The following GCNT2 variants were observed in gnomAD, a reference collection of about 807,000 sequenced individuals.
GCNT2 encodes the protein glucosaminyl (N-acetyl) transferase 2 (I blood group).
Under a neutral mutation model 34.2 loss-of-function variants are expected in GCNT2, and 34 were observed. The observed-to-expected ratio is 1.00, with a 90% CI of 0.76 to 1.32. The LOEUF (loss-of-function observed/expected upper bound fraction) is 1.32, where lower values mean the gene tolerates loss of function less well. Among genes scored for constraint, GCNT2 ranks in the 40% most tolerant of loss-of-function variants. The pLI is 0.00. For missense variants in GCNT2, 584 were observed against 489.4 expected (o/e 1.19, Z -1.82); for synonymous variants, 212 against 188.0 (o/e 1.13, Z -1.04).
chr6:10,561,818 CTT>C (rs55714529), intron 3 of GCNT2, among the ~76,000 whole-genome samples: 1 of 145,126 alleles, frequency 6.9e-6, no homozygotes, highest in African/African-American at 2.5e-5. Flanking sequence ...ATACGTTTTC[CTT>C]TTTTTTTTTC....
At chr6:10,612,161 A>G (rs1369926383) in intron 3 of GCNT2, among the ~76,000 whole-genome samples, 2 of 151,438 alleles carry the variant, frequency 1.3e-5, no homozygotes, top group Non-Finnish European at 2.9e-5. Flanking sequence ...TAATTTTTGT[A>G]TTTTTAGTAG....
At chr6:10,553,444 G>A (rs902364802) in intron 3 of GCNT2, among the ~76,000 whole-genome samples, 13 of 152,212 alleles carry the variant, frequency 8.5e-5, no homozygotes, top group African/African-American at 2.9e-4. Flanking sequence ...CACATGGGAA[G>A]CCAAGAGATG....
chr6:10,566,115 A>T (rs1172399122), intron 3 of GCNT2, among the ~76,000 whole-genome samples: 2 of 150,846 alleles, frequency 1.3e-5, no homozygotes. Flanking sequence ...GCCCTGACGC[A>T]TGCAGTCCCT....
intron 3 of GCNT2, among the ~76,000 whole-genome samples, chr6:10,607,071 C>G (rs746130261): frequency 7.2e-5 from 11 of 152,070 alleles, no homozygotes; most frequent in Non-Finnish European, 1.3e-4. Context: ...CTCAGCCTCC[C>G]AAATAGCTGG....
chr6:10,555,740 G>C (rs1762668886), intron 3 of GCNT2: 1 of 985,306 alleles, frequency 1.0e-6, no homozygotes, highest in Non-Finnish European at 1.2e-6. Flanking sequence ...TTGAAAAACA[G>C]TGGGGTGGGG....
chr6:10,612,015 C>T (rs1296427035), intron 3 of GCNT2, among the ~76,000 whole-genome samples: 1 of 151,148 alleles, frequency 6.6e-6, no homozygotes, highest in Admixed American at 6.6e-5. Flanking sequence ...GATTCAGAGC[C>T]TCACTCTGTT....
intron 3 of GCNT2, among the ~76,000 whole-genome samples, chr6:10,578,604 G>A (rs778752138): frequency 2.8e-4 from 42 of 151,474 alleles, no homozygotes; most frequent in Non-Finnish European, 4.1e-4. Flanking sequence ...GCGCCACCTC[G>A]CCTGGCCAAT....
At chr6:10,577,610 G>A (rs1206601897) in intron 3 of GCNT2, among the ~76,000 whole-genome samples, 2 of 151,932 alleles carry the variant, frequency 1.3e-5, no homozygotes, top group South Asian at 2.1e-4. Context: ...GCATGATCTC[G>A]GCTCCCTGAA....
At chr6:10,625,956 T>C (rs2127447820) in intron 4 of GCNT2, among the ~76,000 whole-genome samples, 1 of 152,344 alleles carries the variant, frequency 6.6e-6, no homozygotes, top group African/African-American at 2.4e-5. Flanking sequence ...AAAAAAGTTA[T>C]GTGTAATAAA....
At chr6:10,548,926 T>C (rs1013145155) in intron 3 of GCNT2, among the ~76,000 whole-genome samples, 1 of 152,156 alleles carries the variant, frequency 6.6e-6, no homozygotes, top group Admixed American at 6.5e-5. Flanking sequence ...ACCCGGCTAA[T>C]TTTTGTATTT....
intron 3 of GCNT2, among the ~76,000 whole-genome samples, chr6:10,615,909 C>T (rs1765738450): frequency 6.6e-6 from 1 of 152,198 alleles, no homozygotes; most frequent in Non-Finnish European, 1.5e-5. Flanking sequence ...TGGGCGGCTC[C>T]TTTACTGCAA....
chr6:10,526,478 A>G (rs1761192440), intron 1 of GCNT2, among the ~76,000 whole-genome samples: 1 of 152,218 alleles, frequency 6.6e-6, no homozygotes, highest in South Asian at 2.1e-4. Flanking sequence ...GATTGTGAAG[A>G]TAATACCCAA....
chr6:10,608,074 T>C (rs1381495647), intron 3 of GCNT2, among the ~76,000 whole-genome samples: 1 of 113,444 alleles, frequency 8.8e-6, no homozygotes, highest in Non-Finnish European at 1.6e-5. Flanking sequence ...TGGTATGCAC[T>C]TTTTTTTTTT....
At chr6:10,524,039 T>G (rs1258581524) in intron 1 of GCNT2, among the ~76,000 whole-genome samples, 2 of 149,132 alleles carry the variant, frequency 1.3e-5, no homozygotes, top group Non-Finnish European at 3.0e-5. Context: ...GAAGCCACAG[T>G]TGGGAGTTGG....
At chr6:10,621,157 A>T (rs909957344) in intron 3 of GCNT2, among the ~76,000 whole-genome samples, 194 bp from the exon 4 acceptor site, 3 of 152,350 alleles carry the variant, frequency 2.0e-5, no homozygotes, top group Admixed American at 2.0e-4. Flanking sequence ...ATGATGAGTC[A>T]ACAACTAAAA....
chr6:10,563,222 A>T (rs1053535149), intron 3 of GCNT2, among the ~76,000 whole-genome samples: 2 of 152,156 alleles, frequency 1.3e-5, no homozygotes, highest in Admixed American at 6.5e-5. Context: ...TTTTATACAT[A>T]TGGGTGTGTG....
intron 3 of GCNT2, among the ~76,000 whole-genome samples, chr6:10,553,815 C>T (rs517371): frequency 6.6e-6 from 1 of 152,072 alleles, no homozygotes; most frequent in Non-Finnish European, 1.5e-5. Context: ...GATTGCTTGA[C>T]CCCAGGAGGT....
At chr6:10,549,979 C>T (rs768061715) in intron 3 of GCNT2, among the ~76,000 whole-genome samples, 5 of 152,100 alleles carry the variant, frequency 3.3e-5, no homozygotes, top group Non-Finnish European at 7.3e-5. Flanking sequence ...GTAAATTTTG[C>T]TCTAGTGGTT....
chr6:10,557,289 A>T (rs765369761), intron 3 of GCNT2: 13 of 1,613,690 alleles, frequency 8.1e-6, no homozygotes, highest in African/African-American at 1.3e-5. Flanking sequence ...CAGTGGTCCA[A>T]GGACACTTTC....
Sources: gnomAD v4.1 joint callset for allele counts (sites outside exome capture counted in the v4.1 genomes callset) on GRCh38, gnomAD v4.1.1 for gene constraint, MANE v1.5 for transcripts, NCBI Gene and HGNC (gene_info 2026-07-23, HGNC 2026-07-21) for gene names.